The following TANGO2 variants were observed in gnomAD, a reference collection of about 807,000 sequenced individuals.
TANGO2 encodes the protein transport and golgi organization 2 homolog, also known as transport and Golgi organization protein 2 homolog.
A neutral mutation model predicts 39.1 loss-of-function variants in TANGO2; 26 were observed. That is an observed-to-expected ratio of 0.67 (90% CI 0.49 to 0.92). TANGO2 has a LOEUF of 0.92. TANGO2 is among the 40% of genes least tolerant of loss of function. The pLI is 0.00. For synonymous variants in TANGO2, 131 were observed against 144.5 expected (o/e 0.91, Z 0.67); for missense variants, 326 against 360.1 (o/e 0.91, Z 0.77).
At chr22:20,054,004 C>A in intron 5 of TANGO2, 1 of 326,718 alleles carries the variant, frequency 3.1e-6, no homozygotes, top group Non-Finnish European at 6.0e-6. Context: ...CCCTCCTGCC[C>A]TCCTCCCCCT....
chr22:20,049,165 A>T (rs2045816417), intron 3 of TANGO2, among the ~76,000 whole-genome samples: 1 of 152,004 alleles, frequency 6.6e-6, no homozygotes, highest in Non-Finnish European at 1.5e-5. Context: ...ACTGCCTCCA[A>T]CCCCCAAATC....
intron 1 of TANGO2, among the ~76,000 whole-genome samples, chr22:20,032,693 G>A (rs1333015157): frequency 1.3e-5 from 2 of 152,224 alleles, no homozygotes; most frequent in Non-Finnish European, 2.9e-5. Flanking sequence ...ATTCTCCCTG[G>A]GACACCAACC....
In TANGO2 at chr22:20,059,452, C is replaced by T. The variant is rs554850668; in HGVS notation, c.452-2078C>T. Among the ~76,000 whole-genome samples the T allele has an allele frequency of 4.6e-5, 7 of 152,320 alleles. No homozygotes were observed. In the South Asian group the frequency reaches 1.5e-3, roughly 32 times the overall value. ...TAACCCTGTTTAACCTTTTGAGGAACATCCAAACTGTTTGCCAAAGCAGCC... is the reference window on the plus strand; with the variant it reads ...TAACCCTGTTTAACCTTTTGAGGAATATCCAAACTGTTTGCCAAAGCAGCC... On this transcript the variant is annotated intron_variant, in intron 6 of 8. Transcript: ENST00000327374.
chr22:20,026,749 A>T (rs542791985), intron 1 of TANGO2, among the ~76,000 whole-genome samples: 2 of 152,306 alleles, frequency 1.3e-5, no homozygotes, highest in South Asian at 4.1e-4. Flanking sequence ...TTGCCCAGCC[A>T]GTGGGGGATG....
At position 20,025,121 on chromosome 22, in the gene TANGO2, G is replaced by A. The variant is rs576879377; in HGVS notation, c.-40+3875G>A. Among the ~76,000 whole-genome samples the A allele has an allele frequency of 6.7e-5, 10 of 149,864 alleles. No individual in the cohort carries two copies. The East Asian group carries it at 1.8e-3, about 28-fold the overall frequency. ...CTCAAAAGGCTGAGGCAGGAGAATC[G>A]CTTGAATACCGGAGGCAGAGGTTGC... is the stretch of plus-strand genomic sequence containing the variant. On this transcript the variant is annotated intron_variant, in intron 1 of 8. Coordinates refer to ENST00000327374, the MANE Select transcript of TANGO2 (RefSeq NM_152906.7).
At chr22:20,056,035 G>C in intron 6 of TANGO2, 22 bp downstream of exon 6, 1 of 1,602,558 alleles carries the variant, frequency 6.2e-7, no homozygotes. Context: ...CTGGCAGCCT[G>C]ATGGGGTGGG....
chr22:20,046,132 G>A (rs575532443), intron 3 of TANGO2, among the ~76,000 whole-genome samples: 99 of 151,914 alleles, frequency 6.5e-4, no homozygotes, highest in Non-Finnish European at 1.2e-3. Flanking sequence ...AAAGGAAAAA[G>A]CTGAGTCTGG....
chr22:20,033,003 C>T, intron 1 of TANGO2: 1 of 347,948 alleles, frequency 2.9e-6, no homozygotes, highest in Admixed American at 4.0e-5. Context: ...ACCTGCAGGG[C>T]TTGGCTTAGG....
chr22:20,054,307 TC>T (rs1284049515), intron 5 of TANGO2: 1 of 157,534 alleles, frequency 6.3e-6, no homozygotes, highest in Non-Finnish European at 1.4e-5. Context: ...GCACTTGCTG[TC>T]CGGAGCCGTT....
At chr22:20,031,590 G>A (rs1391162745) in intron 1 of TANGO2, among the ~76,000 whole-genome samples, 16 of 152,224 alleles carry the variant, frequency 1.1e-4, no homozygotes. Flanking sequence ...TGTGGGCCTG[G>A]TGAGGCCTGG....
At chr22:20,035,766 G>T (rs2147053793) in intron 1 of TANGO2, among the ~76,000 whole-genome samples, 1 of 152,332 alleles carries the variant, frequency 6.6e-6, no homozygotes, top group South Asian at 2.1e-4. Flanking sequence ...CCCACTGGTG[G>T]CGTGTGGGGT....
rs917138170 is a variant in TANGO2, at chr22:20,065,338, ACT to A, written c.*683_*684del. ...CACCGAGAAGACCTGAGAAAAACCCACTCTCTCTTTTTTTTTTTTTTGAGACG... is the reference window on the plus strand; with the variant it reads ...CACCGAGAAGACCTGAGAAAAACCCACTCTCTTTTTTTTTTTTTTGAGACG... On this transcript the variant is annotated 3_prime_UTR_variant, in exon 9 of 9. Transcript: ENST00000327374. 2 of 140,734 alleles carry A rather than the reference ACT, an allele frequency of 1.4e-5. No individual in the cohort carries two copies. The highest frequency in any genetic ancestry group is 7.1e-5 in the Admixed American group (1 of 14,152). 8.7% of individuals were successfully genotyped at this position (140,734 alleles called of 1,614,324 possible).
chr22:20,035,581 G>A (rs895189896), intron 1 of TANGO2, among the ~76,000 whole-genome samples: 1 of 152,252 alleles, frequency 6.6e-6, no homozygotes, highest in South Asian at 2.1e-4. Context: ...GGGACGAGGT[G>A]TATGCTAAGT....
intron 3 of TANGO2, among the ~76,000 whole-genome samples, chr22:20,046,440 T>C (rs928426323): frequency 4.0e-5 from 6 of 150,544 alleles, no homozygotes; most frequent in Non-Finnish European, 8.9e-5. Flanking sequence ...TAAGCCATGG[T>C]GCCCAGCCAA....
intron 2 of TANGO2, among the ~76,000 whole-genome samples, chr22:20,037,483 T>G (rs1239158579): frequency 6.6e-6 from 1 of 152,204 alleles, no homozygotes; most frequent in Non-Finnish European, 1.5e-5. Flanking sequence ...CTAATGCAAC[T>G]GCTCGGGAAG....
intron 5 of TANGO2, 25 bp downstream of exon 5, chr22:20,053,576 G>A (rs755359692): frequency 1.8e-5 from 27 of 1,499,406 alleles, no homozygotes; most frequent in Non-Finnish European, 2.0e-5. Context: ...GGGGGATGGC[G>A]GCTCTGCCCA....
At chr22:20,023,444 C>G (rs1416216944) in intron 1 of TANGO2, among the ~76,000 whole-genome samples, 6 of 152,204 alleles carry the variant, frequency 3.9e-5, no homozygotes, top group Non-Finnish European at 7.3e-5. Context: ...GCTCACGATG[C>G]CTCTTGTTTG....
intron 8 of TANGO2, 45 bp downstream of exon 8, chr22:20,063,487 C>A (rs763200137): frequency 2.7e-5 from 41 of 1,543,452 alleles, no homozygotes; most frequent in South Asian, 1.8e-4. Context: ...CCATGTCCCA[C>A]CTCCCACGCT....
chr22:20,025,410 G>C (rs1445500789), intron 1 of TANGO2, among the ~76,000 whole-genome samples: 1 of 151,882 alleles, frequency 6.6e-6, no homozygotes, highest in Non-Finnish European at 1.5e-5. Context: ...TTTCTTTTGA[G>C]GGTAGACATT....
Sources: gnomAD v4.1 joint callset for allele counts (sites outside exome capture counted in the v4.1 genomes callset) on GRCh38, gnomAD v4.1.1 for gene constraint, MANE v1.5 for transcripts, NCBI Gene and HGNC (gene_info 2026-07-23, HGNC 2026-07-21) for gene names.